Variants in SYN2 observed in about 807,000 individuals in gnomAD.
The protein encoded by SYN2 is synapsin II.
In SYN2, 19 loss-of-function variants were observed where a neutral mutation model predicts 50.9. The ratio of observed to expected loss-of-function variants is 0.37; its 90% CI spans 0.26 to 0.55. SYN2 has a LOEUF of 0.55. SYN2 is among the 20% of genes least tolerant of loss of function. The pLI, the probability that SYN2 is intolerant of heterozygous loss-of-function variation, is 0.81. For missense variants in SYN2, 587 were observed against 576.4 expected (o/e 1.02, Z -0.19); for synonymous variants, 255 against 224.9 (o/e 1.13, Z -1.20).
intron 7 of SYN2, 100 bp downstream of exon 7, chr3:12,162,254 G>A: frequency 1.4e-6 from 2 of 1,465,920 alleles, no homozygotes; most frequent in Non-Finnish European, 1.8e-6. Context: ...TGCCACTTAA[G>A]TCAGAGATTT....
chr3:12,144,209 C>T (rs113062525), intron 3 of SYN2, among the ~76,000 whole-genome samples: 209 of 152,308 alleles, frequency 1.4e-3, no homozygotes, highest in Non-Finnish European at 2.2e-3. Flanking sequence ...AGAGGGGAAA[C>T]GCAGGAGCTT....
At chr3:12,044,193 A>ACC (rs1559397088) in intron 1 of SYN2, among the ~76,000 whole-genome samples, 4 of 146,936 alleles carry the variant, frequency 2.7e-5, no homozygotes, top group South Asian at 2.3e-4. Flanking sequence ...ACACACACAC[A>ACC]CACACACACA....
chr3:12,132,470 T>A (rs570840446), intron 1 of SYN2, among the ~76,000 whole-genome samples: 3 of 152,360 alleles, frequency 2.0e-5, no homozygotes, highest in South Asian at 4.1e-4. Flanking sequence ...TGAGGATTAA[T>A]TTGGGTGATC....
intron 1 of SYN2, among the ~76,000 whole-genome samples, chr3:12,037,125 C>A (rs1694515400): frequency 6.6e-6 from 1 of 152,216 alleles, no homozygotes; most frequent in Admixed American, 6.5e-5. Context: ...ATTGCCTTTA[C>A]TGTCCATATT....
intron 10 of SYN2, among the ~76,000 whole-genome samples, chr3:12,174,230 A>G (rs1698006589): frequency 7.2e-6 from 1 of 138,544 alleles, no homozygotes; most frequent in African/African-American, 2.8e-5. Flanking sequence ...CTCCAGACTC[A>G]CATTTCTAAC....
At chr3:12,072,096 A>C (rs1438970952) in intron 1 of SYN2, among the ~76,000 whole-genome samples, 4 of 152,214 alleles carry the variant, frequency 2.6e-5, no homozygotes, top group East Asian at 1.9e-4. Flanking sequence ...TTAAAAAAAA[A>C]CAAAAACCTT....
chr3:12,023,369 C>CG (rs397725770), intron 1 of SYN2, among the ~76,000 whole-genome samples: 2 of 151,634 alleles, frequency 1.3e-5, no homozygotes, highest in East Asian at 4.0e-4. Context: ...TTTCCCCCCC[C>CG]ACCCCCAAAG....
At chr3:12,068,710 A>G (rs916257060) in intron 1 of SYN2, among the ~76,000 whole-genome samples, 2 of 151,318 alleles carry the variant, frequency 1.3e-5, no homozygotes, top group African/African-American at 4.9e-5. Flanking sequence ...TTTTAGGAAG[A>G]TTTCCTTGAC....
At chr3:12,075,685 A>C (rs1174688314) in intron 1 of SYN2, among the ~76,000 whole-genome samples, 1 of 152,196 alleles carries the variant, frequency 6.6e-6, no homozygotes, top group African/African-American at 2.4e-5. Context: ...TTATATATTA[A>C]GAATTACTGG....
chr3:12,179,374 G>GAAAAA (rs536283283), intron 10 of SYN2, among the ~76,000 whole-genome samples: 78 of 92,542 alleles, frequency 8.4e-4, no homozygotes, highest in Admixed American at 9.7e-4. Flanking sequence ...AGAACTGAAA[G>GAAAAA]AAAAAAAAAA....
At chr3:12,075,425 G>A (rs2125170835) in intron 1 of SYN2, among the ~76,000 whole-genome samples, 1 of 152,274 alleles carries the variant, frequency 6.6e-6, no homozygotes, top group South Asian at 2.1e-4. Context: ...ATTACTTTGA[G>A]TACAATTGAT....
rs73135649 is a variant in SYN2, at chr3:12,034,346, A to G, written c.377+29418A>G. Among the ~76,000 whole-genome samples, 1,173 of 152,280 alleles carry G rather than the reference A, an allele frequency of 7.7e-3. 10 individuals are homozygous for G. The highest frequency in any genetic ancestry group is 0.027 in the African/African-American group (1,115 of 41,552). ...CTATTTGTGTATCTTCTTTGGAGAA[A>G]TGTCTATGCAATTCCTTTTCCCACT... is the stretch of plus-strand genomic sequence containing the variant. On this transcript the variant is annotated intron_variant, in intron 1 of 12. Transcript: ENST00000621198.
chr3:12,049,532 T>TAATAATA (rs1553610527), intron 1 of SYN2, among the ~76,000 whole-genome samples: 3 of 150,436 alleles, frequency 2.0e-5, no homozygotes, highest in Admixed American at 6.6e-5. Flanking sequence ...AAAAAAAAAA[T>TAATAATA]AATAAAAAAT....
At chr3:12,055,457 A>G (rs1189543428) in intron 1 of SYN2, among the ~76,000 whole-genome samples, 2 of 150,248 alleles carry the variant, frequency 1.3e-5, no homozygotes, top group Non-Finnish European at 2.9e-5. Flanking sequence ...AAGAGAATAA[A>G]CTTAAAGGAA....
intron 1 of SYN2, among the ~76,000 whole-genome samples, chr3:12,099,481 T>G (rs1696018732): frequency 6.6e-6 from 1 of 152,090 alleles, no homozygotes; most frequent in African/African-American, 2.4e-5. Context: ...GCAGGGAAGT[T>G]TGAAAATACT....
intron 1 of SYN2, among the ~76,000 whole-genome samples, chr3:12,037,615 G>T (rs1455828671): frequency 6.6e-6 from 1 of 152,172 alleles, no homozygotes; most frequent in Admixed American, 6.5e-5. Context: ...GGCTCAAGTG[G>T]AAGGGGGTTG....
chr3:12,057,283 C>CTGTGTGTGTG (rs1361358278), intron 1 of SYN2, among the ~76,000 whole-genome samples: 1 of 21,410 alleles, frequency 4.7e-5, no homozygotes, highest in East Asian at 1.1e-3. Context: ...CAAGGCAAGA[C>CTGTGTGTGTG]TGTCTGTGTG....
chr3:12,170,970 C>G (rs1697924062), intron 10 of SYN2, among the ~76,000 whole-genome samples: 1 of 152,208 alleles, frequency 6.6e-6, no homozygotes, highest in Admixed American at 6.5e-5. Flanking sequence ...CAAGTTTCCC[C>G]ACTGATATCT....
intron 4 of SYN2, among the ~76,000 whole-genome samples, chr3:12,148,038 C>T (rs572828903): frequency 3.9e-5 from 6 of 151,988 alleles, no homozygotes; most frequent in Admixed American, 6.5e-5. Flanking sequence ...GGCGTGAACC[C>T]GGGAGGCGGA....
Sources: allele counts gnomAD v4.1 joint callset (sites outside exome capture counted in the v4.1 genomes callset), GRCh38; gene constraint gnomAD v4.1.1; transcripts MANE v1.5; gene names NCBI Gene and HGNC (gene_info 2026-07-23, HGNC 2026-07-21).